The following C12orf42 variants were observed in gnomAD, a reference collection of about 807,000 sequenced individuals.
C12orf42 encodes chromosome 12 open reading frame 42.
A neutral mutation model predicts 21.6 loss-of-function variants in C12orf42; 25 were observed. That is an observed-to-expected ratio of 1.16 (90% CI 0.84 to 1.62). The LOEUF (loss-of-function observed/expected upper bound fraction) is 1.62, where lower values mean the gene tolerates loss of function less well. Among genes scored for constraint, C12orf42 ranks in the 40% most tolerant of loss-of-function variants. The pLI is 0.00. For missense variants in C12orf42, 483 were observed against 459.3 expected, an observed-to-expected ratio of 1.05 and a Z score of -0.47; for synonymous variants, 174 against 175.0, an observed-to-expected ratio of 0.99 and a Z score of 0.05.
chr12:103,515,024 G>T, the C12orf42 span, among the ~76,000 whole-genome samples: 1 of 152,196 alleles, frequency 6.6e-6, no homozygotes, highest in Admixed American at 6.5e-5. Flanking sequence ...GCATCTAATG[G>T]GTGGAGGCCA....
At chr12:103,119,097 C>G in the C12orf42 span, among the ~76,000 whole-genome samples, 1 of 152,300 alleles carries the variant, frequency 6.6e-6, no homozygotes, top group South Asian at 2.1e-4. Flanking sequence ...TCTGCTCCCA[C>G]TAGACACTGG....
the C12orf42 span, among the ~76,000 whole-genome samples, chr12:103,053,968 T>G: frequency 6.6e-6 from 1 of 151,930 alleles, no homozygotes; most frequent in South Asian, 2.1e-4. Context: ...CCTTTCCCTC[T>G]AATACCACAC....
the C12orf42 span, among the ~76,000 whole-genome samples, chr12:103,106,977 C>G: frequency 2.6e-5 from 4 of 151,836 alleles, no homozygotes; most frequent in African/African-American, 9.7e-5. Context: ...CAAAAGAAGG[C>G]AGATGCAGCA....
chr12:103,541,233 T>C, the C12orf42 span, among the ~76,000 whole-genome samples: 1 of 152,248 alleles, frequency 6.6e-6, no homozygotes, highest in Non-Finnish European at 1.5e-5. Context: ...CTTTCTCTTC[T>C]ACTGATTTAG....
intron 4 of C12orf42, among the ~76,000 whole-genome samples, chr12:103,343,995 A>G (rs947040519): frequency 4.6e-5 from 7 of 152,176 alleles, no homozygotes; most frequent in Admixed American, 4.6e-4. Flanking sequence ...GAGTGTACAT[A>G]TCTACAATGA....
At chr12:103,468,462 G>A (rs1174966247) in intron 2 of C12orf42, among the ~76,000 whole-genome samples, 1 of 152,172 alleles carries the variant, frequency 6.6e-6, no homozygotes, top group Non-Finnish European at 1.5e-5. Context: ...AACCAAACTA[G>A]TAAGCTTCAA....
chr12:103,525,716 A>G, the C12orf42 span, among the ~76,000 whole-genome samples: 1 of 152,206 alleles, frequency 6.6e-6, no homozygotes, highest in African/African-American at 2.4e-5. Flanking sequence ...TAATTTTGTC[A>G]ATATGATGCA....
At position 103,494,378 on chromosome 12, in the gene C12orf42, CTA is replaced by C. The variant is rs573734359; in HGVS notation, c.-22+1522_-22+1523del. Among the ~76,000 whole-genome samples, 16 of 152,372 alleles carry C rather than the reference CTA, an allele frequency of 1.1e-4. No homozygotes were observed. In the East Asian group the frequency reaches 2.9e-3, roughly 28 times the overall value. On this transcript the variant is annotated intron_variant, in intron 1 of 5. Coordinates refer to ENST00000548883, the MANE Select transcript of C12orf42 (RefSeq NM_198521.5). ...TCTGTACGCCTGTACAACAGCCACA[CTA>C]TGACATTAGTTTCGACAGCTCTGTG...
At chr12:103,275,171 T>C (rs796447747) in intron 5 of C12orf42, among the ~76,000 whole-genome samples, 1 of 152,138 alleles carries the variant, frequency 6.6e-6, no homozygotes, top group Non-Finnish European at 1.5e-5. Context: ...CAGAACCTTA[T>C]TTCTATGAGT....
chr12:103,450,861 G>A (rs1951891444), intron 2 of C12orf42, among the ~76,000 whole-genome samples: 1 of 152,090 alleles, frequency 6.6e-6, no homozygotes, highest in Non-Finnish European at 1.5e-5. Context: ...GAAAGTTGGG[G>A]GCCCAGAGGC....
intron 2 of C12orf42, among the ~76,000 whole-genome samples, chr12:103,419,235 AAGAAC>A (rs1169697536): frequency 6.6e-6 from 1 of 152,194 alleles, no homozygotes; most frequent in Non-Finnish European, 1.5e-5. Context: ...TGAGATGGCA[AAGAAC>A]CTTAAAAAAA....
chr12:103,248,267 C>G (rs533281117), intron 10 of C12orf42, among the ~76,000 whole-genome samples: 1 of 152,124 alleles, frequency 6.6e-6, no homozygotes, highest in Non-Finnish European at 1.5e-5. Flanking sequence ...AATGAATTGT[C>G]GGCATACACC....
intron 10 of C12orf42, among the ~76,000 whole-genome samples, chr12:103,257,410 T>C (rs1249730065): frequency 6.6e-6 from 1 of 152,064 alleles, no homozygotes; most frequent in Non-Finnish European, 1.5e-5. Context: ...TTTTCAGAGA[T>C]GATTAAAGCA....
At chr12:103,403,833 C>G (rs1296097560) in intron 2 of C12orf42, among the ~76,000 whole-genome samples, 1 of 152,198 alleles carries the variant, frequency 6.6e-6, no homozygotes, top group Non-Finnish European at 1.5e-5. Flanking sequence ...CCAGGGCAGT[C>G]AGCACGAAGC....
the C12orf42 span, among the ~76,000 whole-genome samples, chr12:103,066,690 AT>A: frequency 6.6e-6 from 1 of 152,242 alleles, no homozygotes; most frequent in African/African-American, 2.4e-5. Flanking sequence ...GCTGTAGCCA[AT>A]GGTTTGGCCT....
the C12orf42 span, among the ~76,000 whole-genome samples, chr12:103,058,836 A>G: frequency 6.6e-6 from 1 of 152,178 alleles, no homozygotes; most frequent in Non-Finnish European, 1.5e-5. Flanking sequence ...AAGCAGTGTT[A>G]AGAGAGAAAT....
rs556706265 is a variant in C12orf42 at position 103,414,006 on chromosome 12, A to T, written c.79-12331T>A. 1.6e-4 allele frequency among the ~76,000 whole-genome samples: 24 copies of T among 152,234 alleles called. No homozygotes were observed. In the South Asian group the frequency reaches 5.0e-3, roughly 32 times the overall value. On this transcript the variant is annotated intron_variant, in intron 2 of 5. Coordinates refer to ENST00000548883, the MANE Select transcript of C12orf42 (RefSeq NM_198521.5). ...TGATTTTCTTTTCTTCTGGGTAGATACTCAGTAGTGGGATTGCTGGATCAA... is the reference window on the plus strand; with the variant it reads ...TGATTTTCTTTTCTTCTGGGTAGATTCTCAGTAGTGGGATTGCTGGATCAA...
chr12:103,166,080 G>GGAAGGAAGGAAA, the C12orf42 span, among the ~76,000 whole-genome samples: 2 of 151,178 alleles, frequency 1.3e-5, no homozygotes, highest in East Asian at 3.9e-4. Context: ...AGAGAGAGAA[G>GGAAGGAAGGAAA]GAAGGAAGGA....
intron 4 of C12orf42, among the ~76,000 whole-genome samples, chr12:103,337,701 T>C (rs765494601): frequency 1.7e-4 from 26 of 152,120 alleles, no homozygotes; most frequent in Non-Finnish European, 2.6e-4. Context: ...GTGGGTATCC[T>C]TTAATAAGCC....
Sources: gnomAD v4.1 joint callset for allele counts (sites outside exome capture counted in the v4.1 genomes callset) on GRCh38, gnomAD v4.1.1 for gene constraint, MANE v1.5 for transcripts, NCBI Gene and HGNC (gene_info 2026-07-23, HGNC 2026-07-21) for gene names.